Variants in XPNPEP3 observed in about 807,000 individuals in gnomAD.
XPNPEP3 encodes the protein X-prolyl aminopeptidase 3, also known as xaa-Pro aminopeptidase 3.
XPNPEP3 carries 41 observed loss-of-function variants against 60.0 expected under a neutral mutation model. That is an observed-to-expected ratio of 0.68 (90% CI 0.53 to 0.89). The LOEUF is 0.89. Among genes scored for constraint, XPNPEP3 ranks in the 40% least tolerant of loss-of-function variants. XPNPEP3 has a pLI of 0.00. For synonymous variants in XPNPEP3, 212 were observed against 223.2 expected (o/e 0.95, Z 0.45); for missense variants, 598 against 638.9 (o/e 0.94, Z 0.69).
At chr22:40,912,532 C>T (rs954385343) in intron 6 of XPNPEP3, among the ~76,000 whole-genome samples, 1 of 152,040 alleles carries the variant, frequency 6.6e-6, no homozygotes, top group East Asian at 1.9e-4. Context: ...TGCCTTTTCT[C>T]CTTACTGTAG....
chr22:40,920,637 G>A (rs1462834713), intron 7 of XPNPEP3, among the ~76,000 whole-genome samples: 6 of 152,170 alleles, frequency 3.9e-5, no homozygotes, highest in Non-Finnish European at 7.3e-5. Context: ...CAGCGGCAAC[G>A]TTGAATCCAG....
Position 40,882,047 on chromosome 22 carries a change from G to T in XPNPEP3, c.459G>T (p.Val153=). ...CATCACACAAAGCCATACTTTTTGT[G>T]CCTCGGCGAGATCCCAGTCGAGAAC... is the stretch of plus-strand genomic sequence containing the variant. ...QLPSHKAILF[V]PRRDPSRELW... is the part of the protein sequence containing the mutation. The change falls in exon 3 of 10, where the codon GTG becomes GTT. Residue 153 remains valine (V), a synonymous_variant. Transcript: ENST00000357137. 1 of 1,614,088 alleles carries T rather than the reference G, an allele frequency of 6.2e-7. No individual in the cohort carries two copies. The highest frequency in any genetic ancestry group is 8.5e-7 in the Non-Finnish European group (1 of 1,180,014).
chr22:40,880,692 A>G (rs2058044015), intron 2 of XPNPEP3, among the ~76,000 whole-genome samples: 1 of 151,216 alleles, frequency 6.6e-6, no homozygotes, highest in African/African-American at 2.4e-5. Context: ...GCCGGGCACG[A>G]TGGCTTACAC....
chr22:40,876,500 TC>T (rs1663510851), intron 2 of XPNPEP3, among the ~76,000 whole-genome samples: 1 of 152,260 alleles, frequency 6.6e-6, no homozygotes, highest in African/African-American at 2.4e-5. Context: ...TATTGTTATT[TC>T]CATTTTACAT....
chr22:40,858,015 T>C (rs897440749), intron 1 of XPNPEP3, among the ~76,000 whole-genome samples: 4 of 152,350 alleles, frequency 2.6e-5, no homozygotes, highest in South Asian at 2.1e-4. Context: ...TAAAAAGTTA[T>C]TGTCCAGTGC....
At chr22:40,874,085 A>G (rs1170473214) in intron 2 of XPNPEP3, among the ~76,000 whole-genome samples, 2 of 152,160 alleles carry the variant, frequency 1.3e-5, no homozygotes, top group African/African-American at 4.8e-5. Context: ...TGGTGGTGGT[A>G]AGATTTTTAT....
intron 2 of XPNPEP3, among the ~76,000 whole-genome samples, chr22:40,876,127 C>T (rs1470717524): frequency 6.6e-6 from 1 of 152,108 alleles, no homozygotes; most frequent in Non-Finnish European, 1.5e-5. Context: ...AGAATCAGCC[C>T]TAGACAAGAA....
At chr22:40,872,912 C>G (rs932917104) in intron 2 of XPNPEP3, among the ~76,000 whole-genome samples, 1 of 151,970 alleles carries the variant, frequency 6.6e-6, no homozygotes, top group African/African-American at 2.4e-5. Flanking sequence ...CGGGAAGAAT[C>G]AGTGGAATTC....
At chr22:40,910,658 A>C (rs1360710415) in intron 6 of XPNPEP3, among the ~76,000 whole-genome samples, 1 of 152,120 alleles carries the variant, frequency 6.6e-6, no homozygotes, top group Non-Finnish European at 1.5e-5. Flanking sequence ...GTGAGCTGTG[A>C]TCACACCACT....
rs2058236240 is a variant in XPNPEP3, at chr22:40,926,859, T to G, written c.*424T>G. ...GAAGTTTGTGTGATGCCTGTATTTTTAGCTAATTACCAAGGTCTCTGCCTA... is the reference window on the plus strand; with the variant it reads ...GAAGTTTGTGTGATGCCTGTATTTTGAGCTAATTACCAAGGTCTCTGCCTA... On this transcript the variant is annotated 3_prime_UTR_variant, in exon 10 of 10. Coordinates refer to ENST00000357137, the MANE Select transcript of XPNPEP3 (RefSeq NM_022098.4). 3.8e-6 allele frequency: 1 copy of G among 262,236 alleles called. No homozygotes were observed. Among genetic ancestry groups the G allele is most frequent in the Non-Finnish European group, 7.5e-6 (1 of 133,468 alleles). 16.2% of individuals were successfully genotyped at this position (262,236 alleles called of 1,614,324 possible). A position where few individuals can be genotyped will look rare whatever the true frequency, so the allele number is the denominator to read the frequency against.
In XPNPEP3 at chr22:40,926,892, A is replaced by T; in HGVS notation, c.*457A>T. On this transcript the variant is annotated 3_prime_UTR_variant, in exon 10 of 10. Coordinates refer to ENST00000357137, the MANE Select transcript of XPNPEP3 (RefSeq NM_022098.4). ...TACCAAGGTCTCTGCCTATGCAAAA[A>T]TTCATCTTTCGGTGATTGTGGGCGG... 4.2e-6 allele frequency: 1 copy of T among 239,486 alleles called. No individual in the cohort carries two copies. The highest frequency in any genetic ancestry group is 4.9e-5 in the South Asian group (1 of 20,536). 14.8% of individuals were successfully genotyped at this position (239,486 alleles called of 1,614,324 possible). A position where few individuals can be genotyped will look rare whatever the true frequency, so the allele number is the denominator to read the frequency against.
At chr22:40,878,206 C>CAAAA (rs201923483) in intron 2 of XPNPEP3, among the ~76,000 whole-genome samples, 1 of 108,238 alleles carries the variant, frequency 9.2e-6, no homozygotes. Flanking sequence ...AGCTCTATCT[C>CAAAA]AAAAAAAAAA....
chr22:40,888,521 G>A (rs1327318845), intron 4 of XPNPEP3: 5 of 292,930 alleles, frequency 1.7e-5, no homozygotes, highest in South Asian at 1.1e-4. Flanking sequence ...TGGGATTACA[G>A]GTATGAGCTG....
chr22:40,877,116 T>G (rs1006689484), intron 2 of XPNPEP3, among the ~76,000 whole-genome samples: 2 of 152,220 alleles, frequency 1.3e-5, no homozygotes, highest in African/African-American at 4.8e-5. Context: ...TCATACAGAA[T>G]CATAATATGT....
At chr22:40,874,796 G>A (rs896705881) in intron 2 of XPNPEP3, among the ~76,000 whole-genome samples, 5 of 152,118 alleles carry the variant, frequency 3.3e-5, no homozygotes, top group Non-Finnish European at 7.4e-5. Flanking sequence ...TACTCATTTA[G>A]CTAGGTGCAT....
chr22:40,879,183 G>GAA (rs1196378334), intron 2 of XPNPEP3, among the ~76,000 whole-genome samples: 1 of 152,080 alleles, frequency 6.6e-6, no homozygotes, highest in Non-Finnish European at 1.5e-5. Context: ...AATCTTGAAA[G>GAA]AAAAAAATGT....
intron 2 of XPNPEP3, among the ~76,000 whole-genome samples, chr22:40,874,600 A>AT (rs2145779247): frequency 6.6e-6 from 1 of 151,998 alleles, no homozygotes; most frequent in East Asian, 1.9e-4. Flanking sequence ...TAATTTTTAT[A>AT]TTTTTTATAG....
chr22:40,865,021 T>C (rs1419555275), intron 1 of XPNPEP3, among the ~76,000 whole-genome samples: 1 of 152,196 alleles, frequency 6.6e-6, no homozygotes, highest in African/African-American at 2.4e-5. Context: ...TTCAGTGGAG[T>C]GTAAAGTTAT....
chr22:40,929,192 C>CT lies in XPNPEP3; in HGVS notation c.*2774dup, dbSNP rs575824982. ...TTCTTGTATCATTTTCTTTTCTTTT[C>CT]TTTTTTTTTTTTTTTTTGAGACGGA... On this transcript the variant is annotated 3_prime_UTR_variant, in exon 10 of 10. Transcript: ENST00000357137. 2,059 of 136,818 alleles carry CT rather than the reference C, an allele frequency of 0.015. 17 individuals carry two copies. The highest frequency in any genetic ancestry group is 0.025 in the African/African-American group (941 of 37,696). 8.5% of individuals were successfully genotyped at this position (136,818 alleles called of 1,614,324 possible).
Sources: allele counts gnomAD v4.1 joint callset (sites outside exome capture counted in the v4.1 genomes callset), GRCh38; gene constraint gnomAD v4.1.1; transcripts MANE v1.5; gene names NCBI Gene and HGNC (gene_info 2026-07-23, HGNC 2026-07-21).